Variants in AQP9 observed in about 807,000 individuals in gnomAD.
The protein encoded by AQP9 is aquaporin-9.
In AQP9, 19 loss-of-function variants were observed where a neutral mutation model predicts 23.8. That is an observed-to-expected ratio of 0.80 (90% CI 0.56 to 1.17). AQP9 has a LOEUF of 1.17. Ranked by LOEUF, AQP9 falls within the 50% of genes most tolerant of loss-of-function variation. The probability of loss-of-function intolerance (pLI) is 0.00; values close to 1 mark genes in which losing one functional copy is unlikely to be tolerated. For synonymous variants in AQP9, 153 were observed against 131.5 expected, an observed-to-expected ratio of 1.16 and a Z score of -1.12; for missense variants, 413 against 362.0, an observed-to-expected ratio of 1.14 and a Z score of -1.14.
At chr15:58,149,311 G>A (rs1388549936) in intron 1 of AQP9, among the ~76,000 whole-genome samples, 2 of 152,124 alleles carry the variant, frequency 1.3e-5, no homozygotes, top group Non-Finnish European at 2.9e-5. Flanking sequence ...AGTATTGGGA[G>A]GACTCACAGA....
At chr15:58,166,846 A>G (rs555949603) in intron 2 of AQP9, 47 bp downstream of exon 2, 2 of 1,605,108 alleles carry the variant, frequency 1.2e-6, no homozygotes, top group East Asian at 2.2e-5. Flanking sequence ...AGCCACTCCA[A>G]TGTGCCCGCA....
rs1897902103 is a variant in AQP9 at position 58,138,743 on chromosome 15, G to A, written c.111+67G>A. The A allele has an allele frequency of 7.2e-6, 10 of 1,391,958 alleles. No homozygotes were observed. In the East Asian group the frequency reaches 1.8e-4, roughly 25 times the overall value. The allele number at this position is 1,391,958 out of a possible 1,614,324, so 86.2% of individuals were successfully genotyped here. ...CTCCCTAGCTGCCAGGCTGGTAGTG[G>A]AGAGTTTTGTTTGGTTTGTTTTATT... On this transcript the variant is annotated intron_variant, in intron 1 of 5. Coordinates refer to ENST00000219919, the MANE Select transcript of AQP9 (RefSeq NM_020980.5).
chr15:58,158,259 G>C (rs1204402830), intron 1 of AQP9, among the ~76,000 whole-genome samples: 1 of 152,084 alleles, frequency 6.6e-6, no homozygotes, highest in African/African-American at 2.4e-5. Context: ...TGGATTCTTG[G>C]GGGCATTGGT....
intron 4 of AQP9, among the ~76,000 whole-genome samples, chr15:58,175,449 C>T (rs1898730314): frequency 1.3e-5 from 2 of 152,232 alleles, no homozygotes; most frequent in Non-Finnish European, 2.9e-5. Flanking sequence ...CATCAATCCT[C>T]TCTGTCTCAC....
At chr15:58,167,719 T>A (rs1467533970) in intron 2 of AQP9, among the ~76,000 whole-genome samples, 1 of 151,656 alleles carries the variant, frequency 6.6e-6, no homozygotes, top group African/African-American at 2.4e-5. Flanking sequence ...GTTTGTTTGT[T>A]TTTTGTTTGG....
At chr15:58,181,970 G>A (rs1447902197) in intron 5 of AQP9, among the ~76,000 whole-genome samples, 2 of 151,692 alleles carry the variant, frequency 1.3e-5, no homozygotes, top group East Asian at 1.9e-4. Flanking sequence ...AGATATCCTA[G>A]CTTGGACCTA....
At chr15:58,138,972 T>G in intron 1 of AQP9, 1 of 284,734 alleles carries the variant, frequency 3.5e-6, no homozygotes, top group Non-Finnish European at 6.8e-6. Context: ...CTTTGTGATT[T>G]AAAAGTCAGT....
At chr15:58,142,287 A>T (rs2140581897) in intron 1 of AQP9, among the ~76,000 whole-genome samples, 1 of 152,322 alleles carries the variant, frequency 6.6e-6, no homozygotes, top group South Asian at 2.1e-4. Flanking sequence ...CAATTAAGAG[A>T]CTTATCAGCC....
At chr15:58,176,407 A>G (rs1898754786) in intron 4 of AQP9, among the ~76,000 whole-genome samples, 2 of 152,058 alleles carry the variant, frequency 1.3e-5, no homozygotes, top group Non-Finnish European at 1.5e-5. Flanking sequence ...AGTCCCAGCA[A>G]CTTGGGAGGC....
At chr15:58,183,839 G>C in intron 5 of AQP9, 122 bp from the exon 6 acceptor site, 2 of 1,104,028 alleles carry the variant, frequency 1.8e-6, no homozygotes, top group Non-Finnish European at 2.7e-6. Flanking sequence ...CTTATACTTA[G>C]CTCTTGCTGA....
intron 1 of AQP9, among the ~76,000 whole-genome samples, chr15:58,160,509 A>C (rs1351122917): frequency 2.0e-5 from 3 of 152,092 alleles, no homozygotes; most frequent in Non-Finnish European, 2.9e-5. Context: ...TTAAGTTTAG[A>C]TATTTTAATA....
At chr15:58,140,535 T>TG (rs1186487274) in intron 1 of AQP9, among the ~76,000 whole-genome samples, 1 of 152,326 alleles carries the variant, frequency 6.6e-6, no homozygotes, top group South Asian at 2.1e-4. Flanking sequence ...TTGGAGCTTG[T>TG]GGGGATGTAT....
intron 5 of AQP9, among the ~76,000 whole-genome samples, chr15:58,180,004 A>T (rs1898847337): frequency 6.6e-6 from 1 of 152,208 alleles, no homozygotes; most frequent in Non-Finnish European, 1.5e-5. Context: ...CGGACAGGAC[A>T]GACGTAAGAT....
rs563770599 is a variant in AQP9 at position 58,156,332 on chromosome 15, A to G, written c.112-10341A>G. ...TAATATATTGCACTATAATTGTTTA[A>G]TCATATATAGTACATTAATACATTA... is the stretch of plus-strand genomic sequence containing the variant. On this transcript the variant is annotated intron_variant, in intron 1 of 5. Transcript: ENST00000219919. Among the ~76,000 whole-genome samples, 10 of 152,332 alleles carry G rather than the reference A, an allele frequency of 6.6e-5. No individual in the cohort carries two copies. The South Asian group carries it at 1.7e-3, about 25-fold the overall frequency.
intron 1 of AQP9, among the ~76,000 whole-genome samples, chr15:58,159,955 G>T (rs1004066408): frequency 6.6e-6 from 1 of 152,192 alleles, no homozygotes; most frequent in Non-Finnish European, 1.5e-5. Context: ...TGTGAATAGT[G>T]CTGCAGTAAA....
At chr15:58,171,547 C>T (rs1259503919) in intron 2 of AQP9, among the ~76,000 whole-genome samples, 1 of 152,176 alleles carries the variant, frequency 6.6e-6, no homozygotes. Flanking sequence ...TACTGCTAGT[C>T]TCCAGAACTG....
In AQP9 at chr15:58,142,124, A is replaced by C. The variant is rs570172414; in HGVS notation, c.111+3448A>C. Among the ~76,000 whole-genome samples the C allele has an allele frequency of 3.3e-5, 5 of 152,302 alleles. No individual in the cohort carries two copies. In the East Asian group the frequency reaches 7.7e-4, roughly 24 times the overall value. ...AGAGCCCAGTTGCCCTGCCCTGGGC[A>C]CACACTCGCCCTTGGACTTCCACTG... On this transcript the variant is annotated intron_variant, in intron 1 of 5. Transcript: ENST00000219919.
chr15:58,185,439 T>C lies in AQP9; in HGVS notation c.*1304T>C, dbSNP rs1265486343. The C allele has an allele frequency of 6.6e-6, 1 of 152,662 alleles. No individual in the cohort carries two copies. Among genetic ancestry groups the C allele is most frequent in the Admixed American group, 6.5e-5 (1 of 15,292 alleles). 9.5% of individuals were successfully genotyped at this position (152,662 alleles called of 1,614,324 possible). A position where few individuals can be genotyped will look rare whatever the true frequency, so the allele number is the denominator to read the frequency against. On this transcript the variant is annotated 3_prime_UTR_variant, in exon 6 of 6. Coordinates refer to ENST00000219919, the MANE Select transcript of AQP9 (RefSeq NM_020980.5). ...CATTGTCTGGGTCTATTCCCACACT[T>C]ACTGAGTACAGATGAAGGAAAGTGG... is the stretch of plus-strand genomic sequence containing the variant.
At chr15:58,173,652 T>C (rs1423859519) in intron 3 of AQP9, among the ~76,000 whole-genome samples, 1 of 152,150 alleles carries the variant, frequency 6.6e-6, no homozygotes, top group Non-Finnish European at 1.5e-5. Flanking sequence ...ATTGCCCTTC[T>C]ATCAAACAGC....
Sources: allele counts gnomAD v4.1 joint callset (sites outside exome capture counted in the v4.1 genomes callset), GRCh38; gene constraint gnomAD v4.1.1; transcripts MANE v1.5; gene names NCBI Gene and HGNC (gene_info 2026-07-23, HGNC 2026-07-21).